Variants in PDSS2 observed in about 807,000 individuals in gnomAD.
PDSS2 encodes the protein all trans-polyprenyl-diphosphate synthase PDSS2.
PDSS2 carries 31 observed loss-of-function variants against 44.5 expected under a neutral mutation model. The observed-to-expected ratio is 0.70, with a 90% CI of 0.52 to 0.94. PDSS2 has a LOEUF of 0.94. PDSS2 is among the 40% of genes least tolerant of loss of function. The pLI is 0.00. For missense variants in PDSS2, 452 were observed against 482.2 expected (o/e 0.94, Z 0.59); for synonymous variants, 157 against 180.3 (o/e 0.87, Z 1.03).
intron 1 of PDSS2, among the ~76,000 whole-genome samples, chr6:107,391,246 T>C (rs1779771116): frequency 6.6e-6 from 1 of 152,080 alleles, no homozygotes; most frequent in Non-Finnish European, 1.5e-5. Flanking sequence ...ACACTGTATC[T>C]ACAGCTCATG....
chr6:107,426,960 A>T (rs936277492), intron 1 of PDSS2, among the ~76,000 whole-genome samples: 1 of 152,156 alleles, frequency 6.6e-6, no homozygotes, highest in African/African-American at 2.4e-5. Flanking sequence ...GTTAATGCTG[A>T]AATGAGTTAA....
intron 4 of PDSS2, among the ~76,000 whole-genome samples, chr6:107,225,179 T>A (rs1181907343): frequency 1.6e-4 from 12 of 74,462 alleles, no homozygotes; most frequent in African/African-American, 5.5e-4. Context: ...TTTTTTTTTT[T>A]TTTTTTTTTT....
At chr6:107,290,164 G>A (rs969794148) in intron 2 of PDSS2, among the ~76,000 whole-genome samples, 2 of 152,132 alleles carry the variant, frequency 1.3e-5, no homozygotes, top group Admixed American at 6.5e-5. Flanking sequence ...TTTACACCAC[G>A]ATTTGCCAAA....
intron 1 of PDSS2, among the ~76,000 whole-genome samples, chr6:107,382,528 A>G (rs138751387): frequency 6.6e-6 from 1 of 152,356 alleles, no homozygotes; most frequent in East Asian, 1.9e-4. Flanking sequence ...AATAGATTTG[A>G]GAGTCCAGAA....
At chr6:107,386,379 T>TA (rs57917321) in intron 1 of PDSS2, among the ~76,000 whole-genome samples, 76,560 of 143,444 alleles carry the variant, frequency 0.53, 20,894 homozygotes, top group Middle Eastern at 0.72. Flanking sequence ...TGTCATTTTC[T>TA]AAAAAAAAAA....
intron 2 of PDSS2, among the ~76,000 whole-genome samples, chr6:107,319,878 T>C (rs1432653677): frequency 1.3e-5 from 2 of 152,202 alleles, no homozygotes; most frequent in African/African-American, 2.4e-5. Flanking sequence ...TAAATTTAAA[T>C]TGGTCTGGTC....
chr6:107,445,824 A>T (rs1420336663), intron 1 of PDSS2, among the ~76,000 whole-genome samples: 1 of 152,184 alleles, frequency 6.6e-6, no homozygotes, highest in Non-Finnish European at 1.5e-5. Context: ...TAGGAAACTA[A>T]AGCCCAGAGA....
At chr6:107,405,721 C>T (rs1401189940) in intron 1 of PDSS2, among the ~76,000 whole-genome samples, 1 of 151,328 alleles carries the variant, frequency 6.6e-6, no homozygotes, top group Non-Finnish European at 1.5e-5. Flanking sequence ...GCGGCGGGCG[C>T]CTGTAGTCCC....
intron 6 of PDSS2, among the ~76,000 whole-genome samples, chr6:107,208,702 A>G (rs1028323759): frequency 2.7e-5 from 4 of 149,198 alleles, no homozygotes; most frequent in Non-Finnish European, 5.9e-5. Flanking sequence ...TCTGCCTTAT[A>G]GGTGTGCACC....
chr6:107,411,568 A>T (rs919958027), intron 1 of PDSS2, among the ~76,000 whole-genome samples: 1 of 152,326 alleles, frequency 6.6e-6, no homozygotes, highest in Middle Eastern at 3.4e-3. Flanking sequence ...TCAACCAACC[A>T]CAGATCAAAA....
At chr6:107,288,939 T>C (rs1168876653) in intron 2 of PDSS2, among the ~76,000 whole-genome samples, 1 of 150,484 alleles carries the variant, frequency 6.6e-6, no homozygotes, top group Admixed American at 6.6e-5. Context: ...TTTGTATTTT[T>C]AGTAGAGACG....
chr6:107,218,434 A>G (rs1173347777), intron 4 of PDSS2, among the ~76,000 whole-genome samples: 1 of 152,104 alleles, frequency 6.6e-6, no homozygotes, highest in African/African-American at 2.4e-5. Flanking sequence ...TTGGGTCTCT[A>G]CTTAAACTTC....
chr6:107,203,947 A>ATTT (rs57335281), intron 6 of PDSS2, among the ~76,000 whole-genome samples: 3 of 144,378 alleles, frequency 2.1e-5, no homozygotes, highest in Admixed American at 6.9e-5. Flanking sequence ...ACTTATTATA[A>ATTT]TTTTTTTTTT....
chr6:107,434,115 T>C (rs956276144), intron 1 of PDSS2, among the ~76,000 whole-genome samples: 1 of 152,084 alleles, frequency 6.6e-6, no homozygotes, highest in Non-Finnish European at 1.5e-5. Context: ...TGAATGCTAG[T>C]GAGGGTATAG....
intron 4 of PDSS2, among the ~76,000 whole-genome samples, chr6:107,237,622 C>T (rs2114764794): frequency 6.6e-6 from 1 of 150,898 alleles, no homozygotes; most frequent in South Asian, 2.1e-4. Flanking sequence ...ACAAATGGGC[C>T]AGGCACAGTG....
intron 1 of PDSS2, among the ~76,000 whole-genome samples, chr6:107,395,062 T>C (rs1779898064): frequency 6.6e-6 from 1 of 152,110 alleles, no homozygotes; most frequent in Non-Finnish European, 1.5e-5. Flanking sequence ...TCAATGGATA[T>C]AGTAATCTAG....
chr6:107,274,214 C>T lies in PDSS2; in HGVS notation c.445G>A (p.Ala149Thr). 1 of 1,612,898 alleles carries T rather than the reference C, an allele frequency of 6.2e-7. No individual in the cohort carries two copies. The highest frequency in any genetic ancestry group is 8.5e-7 in the Non-Finnish European group (1 of 1,178,876). ...SGIYSCQRSL[A>T]EITELIHIAL... ...ATATGAATTAGCTCCGTGATCTCTG[C>T]CAAACTTCTTTGACTAAAACATAAA... Residue 149 changes from alanine to threonine, a missense_variant, in exon 3 of 8, where the codon GCA becomes ACA. Transcript: ENST00000369037.
intron 7 of PDSS2, among the ~76,000 whole-genome samples, chr6:107,177,830 A>G (rs1289301884): frequency 1.3e-5 from 2 of 152,290 alleles, no homozygotes; most frequent in East Asian, 3.9e-4. Context: ...ATAAATAGTA[A>G]GCTCTGTAAT....
intron 1 of PDSS2, among the ~76,000 whole-genome samples, chr6:107,347,290 T>C (rs1562478450): frequency 7.3e-6 from 1 of 136,976 alleles, no homozygotes; most frequent in Non-Finnish European, 1.5e-5. Context: ...TGAGACGGAG[T>C]CTCGCTCTGT....
Sources: gnomAD v4.1 joint callset for allele counts (sites outside exome capture counted in the v4.1 genomes callset) on GRCh38, gnomAD v4.1.1 for gene constraint, MANE v1.5 for transcripts, NCBI Gene and HGNC (gene_info 2026-07-23, HGNC 2026-07-21) for gene names.